The following ATP6V1C2 variants were observed in gnomAD, a reference collection of about 807,000 sequenced individuals.
The protein encoded by ATP6V1C2 is ATPase H+ transporting V1 subunit C2.
ATP6V1C2 carries 45 observed loss-of-function variants against 56.8 expected under a neutral mutation model. That is an observed-to-expected ratio of 0.79 (90% CI 0.62 to 1.02). The LOEUF is 1.02. Among genes scored for constraint, ATP6V1C2 ranks in the 50% least tolerant of loss-of-function variants. The pLI is 0.00. For missense variants in ATP6V1C2, 463 were observed against 519.7 expected (o/e 0.89, Z 1.06); for synonymous variants, 220 against 201.3 (o/e 1.09, Z -0.79).
At chr2:10,756,435 T>C (rs1395158707) in intron 4 of ATP6V1C2, among the ~76,000 whole-genome samples, 1 of 151,474 alleles carries the variant, frequency 6.6e-6, no homozygotes, top group African/African-American at 2.4e-5. Context: ...TATTTAGATA[T>C]ATTGCCGGGC....
intron 3 of ATP6V1C2, among the ~76,000 whole-genome samples, chr2:10,752,380 G>A (rs145741197): frequency 9.2e-5 from 14 of 152,262 alleles, no homozygotes; most frequent in African/African-American, 2.6e-4. Flanking sequence ...GGTGGCCAGC[G>A]TCTGCAGCAG....
intron 4 of ATP6V1C2, among the ~76,000 whole-genome samples, chr2:10,761,348 C>G (rs1399209217): frequency 1.3e-5 from 2 of 152,006 alleles, no homozygotes; most frequent in Non-Finnish European, 2.9e-5. Flanking sequence ...GGGAGGTGAG[C>G]TTGCCTGTGC....
intron 3 of ATP6V1C2, among the ~76,000 whole-genome samples, chr2:10,734,077 T>G (rs1312012049): frequency 6.6e-6 from 1 of 152,240 alleles, no homozygotes; most frequent in African/African-American, 2.4e-5. Context: ...AGATGACCTA[T>G]GTGGCATTTC....
chr2:10,734,503 G>GA (rs1456876336), intron 3 of ATP6V1C2, among the ~76,000 whole-genome samples: 1 of 152,194 alleles, frequency 6.6e-6, no homozygotes, highest in African/African-American at 2.4e-5. Flanking sequence ...TTGAATGGAT[G>GA]AATAGAGGGA....
At chr2:10,752,920 C>T (rs1281748091) in intron 3 of ATP6V1C2, among the ~76,000 whole-genome samples, 1 of 152,054 alleles carries the variant, frequency 6.6e-6, no homozygotes, top group Admixed American at 6.6e-5. Context: ...CACTTGAACC[C>T]GGGAGGCGGA....
intron 5 of ATP6V1C2, among the ~76,000 whole-genome samples, chr2:10,765,492 G>A (rs1664167327): frequency 6.6e-6 from 1 of 152,266 alleles, no homozygotes; most frequent in African/African-American, 2.4e-5. Context: ...GTGGCCAAGG[G>A]TCAGAGTGGA....
intron 4 of ATP6V1C2, among the ~76,000 whole-genome samples, chr2:10,760,879 G>A (rs1663867907): frequency 6.6e-6 from 1 of 152,226 alleles, no homozygotes; most frequent in Admixed American, 6.5e-5. Flanking sequence ...GATCTGAAAT[G>A]TATCTCTTCC....
chr2:10,762,567 C>T (rs1663977741), intron 4 of ATP6V1C2, among the ~76,000 whole-genome samples: 1 of 152,186 alleles, frequency 6.6e-6, no homozygotes, highest in South Asian at 2.1e-4. Context: ...TCCTTCGTCT[C>T]ACGTGCTGGC....
chr2:10,756,129 G>T (rs1177549405), intron 4 of ATP6V1C2, among the ~76,000 whole-genome samples: 1 of 152,188 alleles, frequency 6.6e-6, no homozygotes, highest in African/African-American at 2.4e-5. Flanking sequence ...GGCCGAGGCA[G>T]GCAGATCACC....
At chr2:10,779,680 G>A (rs550646399) in intron 12 of ATP6V1C2, among the ~76,000 whole-genome samples, 101 of 131,972 alleles carry the variant, frequency 7.7e-4, no homozygotes, top group African/African-American at 2.9e-3. Context: ...GAGAAACTCC[G>A]GCTATAGAAA....
At chr2:10,773,468 C>T (rs1220889772) in intron 8 of ATP6V1C2, among the ~76,000 whole-genome samples, 2 of 152,144 alleles carry the variant, frequency 1.3e-5, no homozygotes, top group African/African-American at 2.4e-5. Context: ...CTGCAACCTC[C>T]GCCTTCCGGG....
At chr2:10,741,754 G>A (rs1662562251) in intron 3 of ATP6V1C2, among the ~76,000 whole-genome samples, 1 of 152,188 alleles carries the variant, frequency 6.6e-6, no homozygotes, top group Non-Finnish European at 1.5e-5. Context: ...GGCTTTGTGT[G>A]TGGAGCATTC....
At chr2:10,727,714 G>C (rs2171772) in intron 3 of ATP6V1C2, among the ~76,000 whole-genome samples, 149,383 of 152,204 alleles carry the variant, frequency 0.98, 73,375 homozygotes, top group Middle Eastern at 1. Context: ...GCCTGGCCAA[G>C]ACGGTGAAAC....
intron 3 of ATP6V1C2, among the ~76,000 whole-genome samples, chr2:10,740,406 A>C (rs1033678953): frequency 1.3e-5 from 2 of 152,154 alleles, no homozygotes; most frequent in African/African-American, 2.4e-5. Flanking sequence ...GCTGGGCTGC[A>C]GGTTGCACAA....
intron 11 of ATP6V1C2, 113 bp from the exon 12 acceptor site, chr2:10,778,459 C>A (rs965949078): frequency 6.4e-6 from 6 of 935,416 alleles, no homozygotes; most frequent in Non-Finnish European, 1.0e-5. Context: ...GCTTCTGGCT[C>A]CTGGGCACTT....
intron 3 of ATP6V1C2, among the ~76,000 whole-genome samples, chr2:10,749,883 G>T (rs187366113): frequency 6.6e-6 from 1 of 152,290 alleles, no homozygotes; most frequent in East Asian, 1.9e-4. Flanking sequence ...TAGAGAATTT[G>T]TTATGATACA....
chr2:10,727,035 G>GCCTT (rs34712749), intron 3 of ATP6V1C2, among the ~76,000 whole-genome samples: 1 of 142,616 alleles, frequency 7.0e-6, no homozygotes, highest in African/African-American at 2.7e-5. Context: ...AATATAGAGA[G>GCCTT]CCTTCCTTCC....
chr2:10,759,449 A>G (rs1392171726), intron 4 of ATP6V1C2, among the ~76,000 whole-genome samples: 1 of 152,126 alleles, frequency 6.6e-6, no homozygotes, highest in Non-Finnish European at 1.5e-5. Flanking sequence ...CCTGCCGGGC[A>G]GGCCTCCTTT....
chr2:10,775,183 G>A (rs1016365443), intron 10 of ATP6V1C2, 112 bp downstream of exon 10: 3 of 821,212 alleles, frequency 3.7e-6, no homozygotes, highest in African/African-American at 1.7e-5. Flanking sequence ...CCAGGCTCCT[G>A]GGCTCACACC....
Sources: allele counts gnomAD v4.1 joint callset (sites outside exome capture counted in the v4.1 genomes callset), GRCh38; gene constraint gnomAD v4.1.1; transcripts MANE v1.5; gene names NCBI Gene and HGNC (gene_info 2026-07-23, HGNC 2026-07-21).